RPS6KC1: variants seen among roughly 807,000 people sequenced by gnomAD.
The protein encoded by RPS6KC1 is ribosomal protein S6 kinase C1, also known as inactive ribosomal protein S6 kinase delta-1.
RPS6KC1 carries 54 observed loss-of-function variants against 103.8 expected under a neutral mutation model. That is an observed-to-expected ratio of 0.52 (90% CI 0.42 to 0.65). The LOEUF is 0.65. Ranked by LOEUF, RPS6KC1 falls within the 30% of genes least tolerant of loss-of-function variation. The pLI is 0.00. For missense variants in RPS6KC1, 1,151 were observed against 1,253.8 expected (o/e 0.92, Z 1.24); for synonymous variants, 439 against 438.7 (o/e 1.00, Z -0.01).
the RPS6KC1 span, among the ~76,000 whole-genome samples, chr1:213,834,382 C>T: frequency 6.6e-6 from 1 of 152,150 alleles, no homozygotes; most frequent in Non-Finnish European, 1.5e-5. Flanking sequence ...AAGTAGAGCC[C>T]TAACTCCAGT....
At chr1:213,234,186 T>A (rs2094171883) in intron 10 of RPS6KC1, among the ~76,000 whole-genome samples, 1 of 151,622 alleles carries the variant, frequency 6.6e-6, no homozygotes, top group African/African-American at 2.4e-5. Flanking sequence ...AGTTTTAAAA[T>A]TTTTTGTAGA....
At chr1:213,510,385 G>C in the RPS6KC1 span, among the ~76,000 whole-genome samples, 2 of 152,166 alleles carry the variant, frequency 1.3e-5, no homozygotes, top group Non-Finnish European at 2.9e-5. Flanking sequence ...TCTGATGGAG[G>C]TTAAGTACTG....
chr1:213,245,930 C>T (rs2094447160), intron 12 of RPS6KC1, among the ~76,000 whole-genome samples: 1 of 152,148 alleles, frequency 6.6e-6, no homozygotes, highest in Non-Finnish European at 1.5e-5. Context: ...ACAATGTATA[C>T]TCCCAAGGAT....
chr1:213,097,043 T>C (rs1411830540), intron 3 of RPS6KC1, among the ~76,000 whole-genome samples: 1 of 152,192 alleles, frequency 6.6e-6, no homozygotes, highest in Non-Finnish European at 1.5e-5. Context: ...TGAACCAGAT[T>C]CATTGTCAGT....
chr1:213,487,697 G>C, the RPS6KC1 span, among the ~76,000 whole-genome samples: 34 of 152,150 alleles, frequency 2.2e-4, no homozygotes, highest in Non-Finnish European at 4.9e-4. Context: ...GGGGGTCCTG[G>C]GTAAGAGTTG....
intron 8 of RPS6KC1, among the ~76,000 whole-genome samples, chr1:213,195,846 G>GTGTGTGTA (rs553713944): frequency 0.01 from 1,584 of 150,920 alleles, 30 homozygotes; most frequent in African/African-American, 0.035. Context: ...GTGTGTGTGT[G>GTGTGTGTA]TATATATATA....
At chr1:213,356,951 T>C in the RPS6KC1 span, among the ~76,000 whole-genome samples, 3 of 152,188 alleles carry the variant, frequency 2.0e-5, no homozygotes, top group Admixed American at 2.0e-4. Context: ...CTGGACTGTT[T>C]TTCTGTTTCT....
the RPS6KC1 span, among the ~76,000 whole-genome samples, chr1:213,591,937 G>T: frequency 6.6e-6 from 1 of 152,314 alleles, no homozygotes; most frequent in East Asian, 1.9e-4. Flanking sequence ...GCCCCAGGAA[G>T]GGAGCATGAC....
At chr1:213,305,561 T>G in the RPS6KC1 span, among the ~76,000 whole-genome samples, 1 of 152,160 alleles carries the variant, frequency 6.6e-6, no homozygotes, top group South Asian at 2.1e-4. Flanking sequence ...TCTGCCTAGC[T>G]CCTTTTCACT....
chr1:213,576,122 A>G, the RPS6KC1 span, among the ~76,000 whole-genome samples: 2 of 152,158 alleles, frequency 1.3e-5, no homozygotes, highest in Admixed American at 1.3e-4. Context: ...GGCTCTGCAT[A>G]CCCACGAGTT....
chr1:213,112,221 G>C (rs2083094003), intron 4 of RPS6KC1, among the ~76,000 whole-genome samples: 1 of 152,212 alleles, frequency 6.6e-6, no homozygotes, highest in African/African-American at 2.4e-5. Context: ...AGAAGGTAGA[G>C]GGGAAGGTAT....
the RPS6KC1 span, among the ~76,000 whole-genome samples, chr1:213,764,439 C>A: frequency 6.6e-6 from 1 of 152,118 alleles, no homozygotes; most frequent in Non-Finnish European, 1.5e-5. Context: ...TCCATCAGAC[C>A]CTCTTTTAGG....
At chr1:213,146,089 ATTTT>A (rs200586355) in intron 6 of RPS6KC1, among the ~76,000 whole-genome samples, 1 of 129,914 alleles carries the variant, frequency 7.7e-6, no homozygotes, top group Non-Finnish European at 1.6e-5. Flanking sequence ...TCATGAATTC[ATTTT>A]TTTTTTTTTT....
At chr1:213,473,818 C>T in the RPS6KC1 span, among the ~76,000 whole-genome samples, 14 of 152,128 alleles carry the variant, frequency 9.2e-5, no homozygotes, top group African/African-American at 1.9e-4. Context: ...GGATTCATTT[C>T]GAGAAGTTTT....
chr1:213,277,365 C>T (rs1558682269), downstream of RPS6KC1, among the ~76,000 whole-genome samples: 1 of 152,150 alleles, frequency 6.6e-6, no homozygotes. Flanking sequence ...CATGATTTGC[C>T]ACCTTGATCT....
At chr1:213,676,380 T>C in the RPS6KC1 span, among the ~76,000 whole-genome samples, 1 of 152,106 alleles carries the variant, frequency 6.6e-6, no homozygotes, top group Admixed American at 6.5e-5. Flanking sequence ...ATCTGTCATA[T>C]AGGAGATGCT....
chr1:213,205,547 G>GTATATATATATATATATAT (rs2093320673), intron 8 of RPS6KC1, among the ~76,000 whole-genome samples: 2 of 102,452 alleles, frequency 2.0e-5, no homozygotes, highest in Non-Finnish European at 3.9e-5. Context: ...TATATATATA[G>GTATATATATATATATATAT]ATATATATAT....
the RPS6KC1 span, among the ~76,000 whole-genome samples, chr1:213,428,476 CCCTCCCTTCCTT>C: frequency 2.0e-4 from 6 of 30,672 alleles, no homozygotes; most frequent in African/African-American, 8.9e-4. Context: ...CTCCCTCCCT[CCCTCCCTTCCTT>C]CCTTCCTTCC....
chr1:213,187,881 A>G (rs1004120111), intron 8 of RPS6KC1, among the ~76,000 whole-genome samples: 1 of 152,036 alleles, frequency 6.6e-6, no homozygotes, highest in African/African-American at 2.4e-5. Context: ...GAATCTTTAC[A>G]TCTAGGTAAC....
Sources: allele counts gnomAD v4.1 joint callset (sites outside exome capture counted in the v4.1 genomes callset), GRCh38; gene constraint gnomAD v4.1.1; transcripts MANE v1.5; gene names NCBI Gene and HGNC (gene_info 2026-07-23, HGNC 2026-07-21).